The following FGF14 variants were observed in gnomAD, a reference collection of about 807,000 sequenced individuals.
FGF14 encodes fibroblast growth factor homologous factor 4.
A neutral mutation model predicts 25.5 loss-of-function variants in FGF14; 5 were observed. The ratio of observed to expected loss-of-function variants is 0.20; its 90% CI spans 0.10 to 0.41. The LOEUF (loss-of-function observed/expected upper bound fraction) is 0.41. Among genes scored for constraint, FGF14 ranks in the 10% least tolerant of loss-of-function variants. FGF14 has a pLI of 1.00. For synonymous variants in FGF14, 138 were observed against 118.3 expected, an observed-to-expected ratio of 1.17 and a Z score of -1.08; for missense variants, 222 against 320.1, an observed-to-expected ratio of 0.69 and a Z score of 2.34.
At chr13:101,896,877 T>C (rs1432605438) in intron 1 of FGF14, among the ~76,000 whole-genome samples, 1 of 152,178 alleles carries the variant, frequency 6.6e-6, no homozygotes, top group African/African-American at 2.4e-5. Context: ...GCCTTATCTA[T>C]GTTTTGGGGT....
intron 1 of FGF14, among the ~76,000 whole-genome samples, chr13:101,909,172 T>C (rs554908964): frequency 4.9e-4 from 74 of 152,314 alleles, no homozygotes; most frequent in Admixed American, 6.5e-4. Context: ...ATTCAGGACA[T>C]AGGCATGTGC....
intron 3 of FGF14, among the ~76,000 whole-genome samples, chr13:101,746,446 A>C (rs1417580274): frequency 1.3e-5 from 2 of 151,998 alleles, no homozygotes; most frequent in African/African-American, 4.8e-5. Flanking sequence ...AAAATACTGA[A>C]AACTCTAGCT....
chr13:102,154,340 GA>G (rs1288354371), intron 1 of FGF14, among the ~76,000 whole-genome samples: 1 of 151,688 alleles, frequency 6.6e-6, no homozygotes, highest in Non-Finnish European at 1.5e-5. Flanking sequence ...CTACAAGCCA[GA>G]AGAGAGTGGG....
rs1344655116 is a variant in FGF14 at position 101,899,215 on chromosome 13, T to A, written c.193+17238A>T. Among the ~76,000 whole-genome samples the A allele has an allele frequency of 2.0e-5, 3 of 146,810 alleles. No homozygotes were observed. In the Admixed American group the frequency reaches 2.0e-4, roughly 10 times the overall value. ...CCAACTGTAATAAAAAGAAAAAAAATCCTCCTCAAAGACGATAAAATCATA... is the reference window on the plus strand; with the variant it reads ...CCAACTGTAATAAAAAGAAAAAAAAACCTCCTCAAAGACGATAAAATCATA... On this transcript the variant is annotated intron_variant, in intron 1 of 4. Transcript: ENST00000376143.
At chr13:102,359,489 T>C (rs1018762010) in intron 1 of FGF14, among the ~76,000 whole-genome samples, 2 of 152,196 alleles carry the variant, frequency 1.3e-5, no homozygotes, top group Non-Finnish European at 2.9e-5. Flanking sequence ...TGAATTCCCA[T>C]ACATCTTGCT....
intron 1 of FGF14, among the ~76,000 whole-genome samples, chr13:102,120,388 G>GCTCT (rs2045663978): frequency 2.6e-5 from 4 of 152,212 alleles, no homozygotes; most frequent in Non-Finnish European, 5.9e-5. Flanking sequence ...ATTCATGTCA[G>GCTCT]CGTCATGAGT....
intron 1 of FGF14, among the ~76,000 whole-genome samples, chr13:102,346,855 T>C (rs2057121809): frequency 6.6e-6 from 1 of 152,204 alleles, no homozygotes; most frequent in Non-Finnish European, 1.5e-5. Flanking sequence ...AGAATTTTAG[T>C]ATTAGTCAAC....
At chr13:102,308,541 G>A (rs1032358803) in intron 1 of FGF14, among the ~76,000 whole-genome samples, 6 of 152,090 alleles carry the variant, frequency 3.9e-5, no homozygotes, top group African/African-American at 1.4e-4. Context: ...TTCTTATAAT[G>A]TTCTAGTAAA....
chr13:102,220,301 T>C (rs763444419), intron 1 of FGF14, among the ~76,000 whole-genome samples: 1 of 152,106 alleles, frequency 6.6e-6, no homozygotes, highest in Non-Finnish European at 1.5e-5. Context: ...GAAATGAAAA[T>C]GTCATATAAG....
chr13:101,903,434 A>T (rs1018234970), intron 1 of FGF14, among the ~76,000 whole-genome samples: 1 of 152,198 alleles, frequency 6.6e-6, no homozygotes, highest in Non-Finnish European at 1.5e-5. Context: ...ACCCTAGAAG[A>T]AAATAATGAG....
chr13:101,989,827 GACTTC>G (rs1382271039), intron 1 of FGF14, among the ~76,000 whole-genome samples: 14 of 152,072 alleles, frequency 9.2e-5, no homozygotes, highest in African/African-American at 2.9e-4. Context: ...GTTAATTAGA[GACTTC>G]ACTTAACTTA....
In FGF14 at chr13:101,796,648, A is replaced by G. The variant is rs576067864; in HGVS notation, c.409-69838T>C. ...CCTTATAAAAAGAGGAGATTTGTAC[A>G]TAGGCATTCAGAGAGGAATGACTAT... On this transcript the variant is annotated intron_variant, in intron 3 of 4. Coordinates refer to ENST00000376143, the MANE Select transcript of FGF14 (RefSeq NM_004115.4). Among the ~76,000 whole-genome samples the G allele has an allele frequency of 2.0e-5, 3 of 152,198 alleles. No individual in the cohort carries two copies. In the East Asian group the frequency reaches 5.8e-4, roughly 29 times the overall value.
intron 1 of FGF14, among the ~76,000 whole-genome samples, chr13:101,915,914 C>G (rs951426081): frequency 1.1e-4 from 16 of 152,192 alleles, no homozygotes; most frequent in Non-Finnish European, 2.2e-4. Flanking sequence ...GGCCATAGTT[C>G]ACACACCCTC....
chr13:102,375,263 G>C (rs1313585568), intron 1 of FGF14, among the ~76,000 whole-genome samples: 1 of 151,976 alleles, frequency 6.6e-6, no homozygotes, highest in Non-Finnish European at 1.5e-5. Context: ...TCACTACTAG[G>C]CAGGATCGAT....
At chr13:101,738,593 T>C (rs1428870697) in intron 3 of FGF14, among the ~76,000 whole-genome samples, 6 of 152,000 alleles carry the variant, frequency 3.9e-5, no homozygotes, top group Admixed American at 3.9e-4. Flanking sequence ...AAAGAGGCAA[T>C]ACCTTCTGGG....
rs1594142578 is a variant in FGF14 at position 102,147,028 on chromosome 13, C to T, written c.208+254443G>A. ...TCAGTGATGCTCATTGATGGAAGCT[C>T]TTTTAATAAATAAATAGCATCCACT... is the stretch of plus-strand genomic sequence containing the variant. On this transcript the variant is annotated intron_variant, in intron 1 of 4. Transcript: ENST00000376131. Among the ~76,000 whole-genome samples the T allele has an allele frequency of 2.6e-5, 4 of 152,264 alleles. No homozygotes were observed. In the South Asian group the frequency reaches 8.3e-4, roughly 32 times the overall value.
intron 3 of FGF14, among the ~76,000 whole-genome samples, chr13:101,860,750 T>C (rs1216908842): frequency 6.6e-6 from 1 of 152,004 alleles, no homozygotes; most frequent in Non-Finnish European, 1.5e-5. Context: ...CCCTCAAAAT[T>C]ATGATTCTTG....
chr13:102,362,186 C>T (rs776434252), intron 1 of FGF14, among the ~76,000 whole-genome samples: 3 of 152,110 alleles, frequency 2.0e-5, no homozygotes, highest in Non-Finnish European at 4.4e-5. Context: ...TGGGTTTAAC[C>T]GTTTCATCTC....
At chr13:102,042,499 T>C (rs926160961) in intron 1 of FGF14, among the ~76,000 whole-genome samples, 1 of 152,192 alleles carries the variant, frequency 6.6e-6, no homozygotes, top group Non-Finnish European at 1.5e-5. Context: ...ATTTCCAACA[T>C]GTCTTTTTTA....
Sources: allele counts gnomAD v4.1 joint callset (sites outside exome capture counted in the v4.1 genomes callset), GRCh38; gene constraint gnomAD v4.1.1; transcripts MANE v1.5; gene names NCBI Gene and HGNC (gene_info 2026-07-23, HGNC 2026-07-21).